The following AOPEP variants were observed in gnomAD, a reference collection of about 807,000 sequenced individuals.
AOPEP encodes aminopeptidase O.
Under a neutral mutation model 98.1 loss-of-function variants are expected in AOPEP, and 77 were observed. The ratio of observed to expected loss-of-function variants is 0.78; its 90% CI spans 0.65 to 0.95. AOPEP has a LOEUF of 0.95. AOPEP is among the 40% of genes least tolerant of loss of function. The pLI is 0.00. For synonymous variants in AOPEP, 346 were observed against 365.3 expected (o/e 0.95, Z 0.60); for missense variants, 1,024 against 1,024.7 (o/e 1.00, Z 0.01).
At chr9:95,045,547 G>C (rs2065783064) in intron 13 of AOPEP, among the ~76,000 whole-genome samples, 1 of 152,248 alleles carries the variant, frequency 6.6e-6, no homozygotes, top group Non-Finnish European at 1.5e-5. Flanking sequence ...AAGGATGCTG[G>C]TGGCTGGGTC....
At chr9:94,858,933 CAGG>C (rs1257403528) in intron 5 of AOPEP, among the ~76,000 whole-genome samples, 1 of 148,634 alleles carries the variant, frequency 6.7e-6, no homozygotes, top group Non-Finnish European at 1.5e-5. Context: ...GAGGCTGAGG[CAGG>C]AGAATGGTGT....
intron 5 of AOPEP, among the ~76,000 whole-genome samples, chr9:94,822,938 C>T (rs1853594645): frequency 6.6e-6 from 1 of 152,024 alleles, no homozygotes; most frequent in African/African-American, 2.4e-5. Context: ...CCTGTGGAGC[C>T]TGCAGTCTGA....
intron 13 of AOPEP, among the ~76,000 whole-genome samples, chr9:95,011,427 C>T (rs994354852): frequency 2.5e-4 from 38 of 152,248 alleles, no homozygotes; most frequent in African/African-American, 9.1e-4. Flanking sequence ...TGGTCTCTAT[C>T]TCCTGACCTC....
Position 94,759,853 on chromosome 9 carries a change from A to C in AOPEP, c.70A>C (p.Lys24Gln). Residue 24 changes from lysine (K) to glutamine (Q), a missense_variant, in exon 2 of 17, where the codon AAG becomes CAG. Lys to Gln is a moderately conservative substitution (Grantham distance 53). This residue lies in a region of AOPEP where 440 missense variants were observed against 433.8 expected (regional missense o/e 1.01). Transcript: ENST00000375315. ...LMANTSHILV[K>Q]HYVLDLDVDF... ...GGCCAACACCAGCCACATACTTGTG[A>C]AGCACTATGTACTGGATTTGGATGT... The C allele has an allele frequency of 1.2e-6, 2 of 1,614,170 alleles. No individual in the cohort carries two copies. Among genetic ancestry groups the C allele is most frequent in the Non-Finnish European group, 1.7e-6 (2 of 1,180,008 alleles).
intron 1 of AOPEP, among the ~76,000 whole-genome samples, chr9:94,746,800 A>AG (rs1834582649): frequency 6.6e-6 from 1 of 152,216 alleles, no homozygotes; most frequent in Non-Finnish European, 1.5e-5. Flanking sequence ...ATCATGTTTC[A>AG]GCATAGTTCA....
Position 94,979,371 on chromosome 9 carries a change from G to C in AOPEP, c.1921G>C (p.Glu641Gln). 6.3e-7 allele frequency: 1 copy of C among 1,599,186 alleles called. No individual in the cohort carries two copies. Among genetic ancestry groups the C allele is most frequent in the Non-Finnish European group, 8.5e-7 (1 of 1,169,690 alleles). Residue 641 changes from glutamate to glutamine, a missense_variant, in exon 11 of 17, where the codon GAG becomes CAG. Physicochemically the swap from Glu to Gln is conservative, Grantham distance 29. Transcript: ENST00000375315. ...TTTGTTGTTTTATTTCTAAAGGCTT[G>C]AGCTGTCTGTTGAAAACATCTACCA... ...LENIPEEKRL[E>Q]LSVENIYQDW... is the part of the protein sequence containing the mutation.
chr9:94,737,546 C>T (rs1832056515), intron 1 of AOPEP, among the ~76,000 whole-genome samples: 1 of 152,154 alleles, frequency 6.6e-6, no homozygotes, highest in Non-Finnish European at 1.5e-5. Context: ...ATTGCATCAG[C>T]ATTAATGCAT....
intron 9 of AOPEP, among the ~76,000 whole-genome samples, chr9:94,966,672 A>G (rs552876867): frequency 2.0e-5 from 3 of 152,358 alleles, no homozygotes; most frequent in African/African-American, 7.2e-5. Flanking sequence ...GGTTGACACT[A>G]GGATTACACA....
downstream of AOPEP, among the ~76,000 whole-genome samples, chr9:95,087,556 CA>C (rs200788825): frequency 7.0e-6 from 1 of 143,866 alleles, no homozygotes; most frequent in African/African-American, 2.6e-5. Flanking sequence ...GTTCCCCCCC[CA>C]CCTCACTAGT....
intron 13 of AOPEP, among the ~76,000 whole-genome samples, chr9:95,033,946 A>G (rs562726049): frequency 6.6e-6 from 1 of 152,352 alleles, no homozygotes; most frequent in East Asian, 1.9e-4. Context: ...ATATTATTTG[A>G]TTAACCCAGT....
intron 5 of AOPEP, among the ~76,000 whole-genome samples, chr9:94,818,016 A>T (rs1019290359): frequency 1.3e-5 from 2 of 152,134 alleles, no homozygotes; most frequent in Admixed American, 1.3e-4. Flanking sequence ...AAGCTATAGG[A>T]TGTTACCCTA....
At chr9:94,816,936 A>G (rs564199607) in intron 5 of AOPEP, among the ~76,000 whole-genome samples, 42 of 152,344 alleles carry the variant, frequency 2.8e-4, no homozygotes, top group African/African-American at 9.9e-4. Flanking sequence ...ACATTGATAA[A>G]AAAGATCTAA....
At chr9:94,897,840 C>CTTT (rs1187082923) in intron 5 of AOPEP, among the ~76,000 whole-genome samples, 2,243 of 47,308 alleles carry the variant, frequency 0.047, 46 homozygotes, top group South Asian at 0.14. Context: ...CAAAAGTATG[C>CTTT]CTTTTTTTTT....
chr9:94,925,942 T>A (rs766692554), intron 6 of AOPEP, among the ~76,000 whole-genome samples: 1 of 152,240 alleles, frequency 6.6e-6, no homozygotes, highest in Admixed American at 6.5e-5. Flanking sequence ...ACGTGGAGAA[T>A]GTACAAGAAA....
chr9:94,769,377 GGGC>G (rs1840349561), intron 2 of AOPEP, among the ~76,000 whole-genome samples: 1 of 152,186 alleles, frequency 6.6e-6, no homozygotes, highest in South Asian at 2.1e-4. Context: ...CGCTTGGTTT[GGGC>G]ATGTTGGGAA....
Position 94,911,936 on chromosome 9 carries a change from C to T in AOPEP, c.1365-12050C>T, listed in dbSNP as rs201138856. Among the ~76,000 whole-genome samples, 23 of 152,294 alleles carry T rather than the reference C, an allele frequency of 1.5e-4. No homozygotes were observed. The East Asian group carries it at 3.1e-3, about 20-fold the overall frequency. On this transcript the variant is annotated intron_variant, in intron 5 of 16. Coordinates refer to ENST00000375315, the MANE Select transcript of AOPEP (RefSeq NM_001193329.3). ...GGATACAAACTGTAGACATCCCTGT[C>T]ACTAGCACCCTGACCAAGAAATGCA... is the stretch of plus-strand genomic sequence containing the variant.
chr9:94,767,080 GT>G lies in AOPEP; in HGVS notation c.798-5918del, dbSNP rs1020126257. 1.1e-4 allele frequency among the ~76,000 whole-genome samples: 17 copies of G among 152,302 alleles called. No individual in the cohort carries two copies. The South Asian group carries it at 1.7e-3, about 15-fold the overall frequency. ...AAAATTAAAAGAATGAGCAGAAGAT[GT>G]TTTGGGAGAGATTTCAGGTCTAAGA... On this transcript the variant is annotated intron_variant, in intron 2 of 16. Coordinates refer to ENST00000375315, the MANE Select transcript of AOPEP (RefSeq NM_001193329.3).
At chr9:95,039,676 G>A (rs1175490773) in intron 13 of AOPEP, among the ~76,000 whole-genome samples, 1 of 152,212 alleles carries the variant, frequency 6.6e-6, no homozygotes, top group Non-Finnish European at 1.5e-5. Flanking sequence ...TAAGCAGGCT[G>A]TATAAACAGA....
At chr9:94,772,777 T>C (rs1470699765) in intron 2 of AOPEP, among the ~76,000 whole-genome samples, 1 of 152,164 alleles carries the variant, frequency 6.6e-6, no homozygotes, top group Non-Finnish European at 1.5e-5. Context: ...ATAAACCAAC[T>C]CTTTTTACAT....
Sources: allele counts gnomAD v4.1 joint callset (sites outside exome capture counted in the v4.1 genomes callset), GRCh38; gene constraint gnomAD v4.1.1; regional missense constraint gnomAD v4.1.1; transcripts MANE v1.5; gene names NCBI Gene and HGNC (gene_info 2026-07-23, HGNC 2026-07-21).